FAM178B: variants seen among roughly 807,000 people sequenced by gnomAD.
FAM178B encodes protein FAM178B.
FAM178B carries 82 observed loss-of-function variants against 91.7 expected under a neutral mutation model. The observed-to-expected ratio is 0.89, with a 90% CI of 0.75 to 1.07. The LOEUF (loss-of-function observed/expected upper bound fraction) is 1.07, where lower values mean the gene tolerates loss of function less well. Among genes scored for constraint, FAM178B ranks in the 50% least tolerant of loss-of-function variants. The pLI, the probability that FAM178B is intolerant of heterozygous loss-of-function variation, is 0.00. For missense variants in FAM178B, 769 were observed against 846.7 expected (o/e 0.91, Z 1.14); for synonymous variants, 368 against 359.4 (o/e 1.02, Z -0.27).
At chr2:96,936,914 C>T (rs191683634) in intron 8 of FAM178B, among the ~76,000 whole-genome samples, 1 of 152,228 alleles carries the variant, frequency 6.6e-6, no homozygotes, top group East Asian at 1.9e-4. Flanking sequence ...ATGGTGGTTG[C>T]TCTCATCTCA....
intron 5 of FAM178B, among the ~76,000 whole-genome samples, chr2:96,963,427 C>T (rs2082107363): frequency 6.6e-6 from 1 of 152,228 alleles, no homozygotes; most frequent in South Asian, 2.1e-4. Context: ...ATTCAGTCTA[C>T]ATGCCCCACC....
At chr2:96,921,312 T>C (rs34895357) in intron 11 of FAM178B, 50 bp from the exon 12 acceptor site, 1,125,738 of 1,535,920 alleles carry the variant, frequency 0.73, 424,521 homozygotes, top group African/African-American at 0.94. Context: ...CGCCTTCCCC[T>C]TGCTCTCGCC....
At chr2:96,926,323 C>G (rs1290703759) in intron 9 of FAM178B, among the ~76,000 whole-genome samples, 2 of 152,012 alleles carry the variant, frequency 1.3e-5, no homozygotes, top group East Asian at 3.9e-4. Flanking sequence ...GAAAAGAAAA[C>G]CAAGTGGCCA....
In FAM178B at chr2:96,986,518, C is replaced by T. The variant is rs948581680; in HGVS notation, c.-205G>A. The T allele has an allele frequency of 4.3e-5, 27 of 625,882 alleles. No homozygotes were observed. The highest frequency in any genetic ancestry group is 7.1e-5 in the Non-Finnish European group (27 of 379,748). The allele number at this position is 625,882 out of a possible 1,614,324, so 38.8% of individuals were successfully genotyped here. ...AGTTCTGGGGATTGAGTTCCGACTCCAAACCAAGCGGCCAGCTCACAGCCG... is the reference window on the plus strand; with the variant it reads ...AGTTCTGGGGATTGAGTTCCGACTCTAAACCAAGCGGCCAGCTCACAGCCG... On this transcript the variant is annotated 5_prime_UTR_variant, in exon 1 of 17. Coordinates refer to ENST00000490605, the MANE Select transcript of FAM178B (RefSeq NM_001122646.3).
chr2:96,942,960 G>A (rs185203766), intron 8 of FAM178B, among the ~76,000 whole-genome samples: 1 of 152,172 alleles, frequency 6.6e-6, no homozygotes, highest in Non-Finnish European at 1.5e-5. Context: ...AAAGAACCAA[G>A]CTAGACTCCT....
rs760611227 is a variant in FAM178B at position 96,902,686 on chromosome 2, G to A, written c.1584C>T (p.Ser528=). ...SRSRRLRSQL[S]LVVIARMLGQ... Reference sequence around the variant, plus strand: ...CCAGCATTCGAGCAATGACCACAAGGCTGAGCTGGCTTCGAAGCCGCCTGG... The same window carrying A: ...CCAGCATTCGAGCAATGACCACAAGACTGAGCTGGCTTCGAAGCCGCCTGG... The change falls in exon 13 of 17, where the codon AGC becomes AGT. Residue 528 remains serine, a synonymous_variant. Transcript: ENST00000490605. 1 of 1,550,702 alleles carries A rather than the reference G, an allele frequency of 6.4e-7. No homozygotes were observed. The highest frequency in any genetic ancestry group is 1.2e-5 in the South Asian group (1 of 84,056).
intron 12 of FAM178B, among the ~76,000 whole-genome samples, chr2:96,905,164 G>T (rs1324883252): frequency 6.6e-6 from 1 of 152,126 alleles, no homozygotes; most frequent in Non-Finnish European, 1.5e-5. Context: ...TGACCTGGGT[G>T]CTGGCTTCAC....
At chr2:96,974,360 C>G (rs1574322189) in intron 1 of FAM178B, among the ~76,000 whole-genome samples, 1 of 97,530 alleles carries the variant, frequency 1.0e-5, no homozygotes, top group African/African-American at 4.1e-5. Flanking sequence ...CCAGCCTGGG[C>G]AACAGAGCAA....
chr2:96,955,408 G>A (rs2081985236), intron 6 of FAM178B, among the ~76,000 whole-genome samples: 1 of 152,152 alleles, frequency 6.6e-6, no homozygotes. Flanking sequence ...CTACTCGGGA[G>A]GCTAAGGCAG....
chr2:96,909,900 G>A (rs947015030), intron 12 of FAM178B, among the ~76,000 whole-genome samples: 1 of 152,124 alleles, frequency 6.6e-6, no homozygotes, highest in Admixed American at 6.5e-5. Context: ...GACAGAACTC[G>A]GGGTGGTGAC....
At chr2:96,970,848 C>G (rs1333736360) in intron 3 of FAM178B, 71 bp from the exon 4 acceptor site, 2 of 1,031,964 alleles carry the variant, frequency 1.9e-6, no homozygotes, top group Non-Finnish European at 1.5e-6. Context: ...AGAAAAAAAA[C>G]TAAATTAAGC....
chr2:96,889,976 T>TAAAA (rs11457991), intron 14 of FAM178B, among the ~76,000 whole-genome samples: 2 of 141,398 alleles, frequency 1.4e-5, no homozygotes, highest in Non-Finnish European at 1.5e-5. Context: ...CCATCTTTAT[T>TAAAA]AAAAAAAAAA....
chr2:96,923,427 C>T (rs922487269), intron 10 of FAM178B, 63 bp downstream of exon 10: 6 of 1,268,624 alleles, frequency 4.7e-6, no homozygotes, highest in Admixed American at 4.0e-5. Flanking sequence ...TGGAATTTAG[C>T]TGCTGAATGG....
At chr2:96,905,840 ATATATATATATATATATATATTTTTTTT>A (rs2081031318) in intron 12 of FAM178B, among the ~76,000 whole-genome samples, 2 of 27,684 alleles carry the variant, frequency 7.2e-5, no homozygotes, top group East Asian at 6.8e-4. Flanking sequence ...ATATATATAT[ATATATATATATATATATATATTTTTTTT>A]TTTTTTTTTT....
chr2:96,985,552 T>A (rs1255244768), intron 1 of FAM178B, among the ~76,000 whole-genome samples: 18 of 152,186 alleles, frequency 1.2e-4, no homozygotes. Context: ...AAAAATAAAA[T>A]AATCTGTCTT....
intron 12 of FAM178B, 34 bp downstream of exon 12, chr2:96,921,131 G>T: frequency 6.6e-7 from 1 of 1,518,492 alleles, no homozygotes; most frequent in South Asian, 1.2e-5. Context: ...AGATGCGTGT[G>T]AGAGGGAGGA....
intron 6 of FAM178B, among the ~76,000 whole-genome samples, chr2:96,957,600 T>C (rs2082017563): frequency 6.6e-6 from 1 of 152,102 alleles, no homozygotes; most frequent in Non-Finnish European, 1.5e-5. Flanking sequence ...GTCAAACACT[T>C]CCTGCACGCC....
intron 8 of FAM178B, among the ~76,000 whole-genome samples, chr2:96,946,835 A>G (rs919373473): frequency 1.3e-5 from 2 of 152,238 alleles, no homozygotes; most frequent in Admixed American, 1.3e-4. Context: ...GGGCACTGAG[A>G]CTGGTGCTAC....
rs375952198 is a variant in FAM178B, at chr2:96,929,265, G to C, written c.1134C>G (p.His378Gln). 6.4e-7 allele frequency: 1 copy of C among 1,551,676 alleles called. No homozygotes were observed. Among genetic ancestry groups the C allele is most frequent in the Non-Finnish European group, 8.7e-7 (1 of 1,146,952 alleles). The part of the protein sequence containing the change: ...PSLQEVREAF[H>Q]SLGAHSPALY... Reference sequence around the variant, plus strand: ...GGGCAGGACTGTGGGCACCCAGGCTGTGGAATGCCTCCCTGACTTCTTGCA... The same window carrying C: ...GGGCAGGACTGTGGGCACCCAGGCTCTGGAATGCCTCCCTGACTTCTTGCA... The change falls in exon 9 of 17, where the codon CAC becomes CAG. Residue 378 changes from histidine (H) to glutamine (Q), a missense_variant. Transcript: ENST00000490605.
Sources: gnomAD v4.1 joint callset for allele counts (sites outside exome capture counted in the v4.1 genomes callset) on GRCh38, gnomAD v4.1.1 for gene constraint, MANE v1.5 for transcripts, NCBI Gene and HGNC (gene_info 2026-07-23, HGNC 2026-07-21) for gene names.